The following FKBP14 variants were observed in gnomAD, a reference collection of about 807,000 sequenced individuals.
The protein encoded by FKBP14 is FKBP prolyl isomerase 14, also known as peptidyl-prolyl cis-trans isomerase FKBP14.
FKBP14 carries 20 observed loss-of-function variants against 21.6 expected under a neutral mutation model. The ratio of observed to expected loss-of-function variants is 0.92; its 90% CI spans 0.65 to 1.34. The LOEUF (loss-of-function observed/expected upper bound fraction) is 1.34, where lower values mean the gene tolerates loss of function less well. FKBP14 is among the 40% of genes most tolerant of loss of function. The probability of loss-of-function intolerance (pLI) is 0.00; values close to 1 mark genes in which losing one functional copy is unlikely to be tolerated. For synonymous variants in FKBP14, 79 were observed against 86.7 expected, an observed-to-expected ratio of 0.91 and a Z score of 0.49; for missense variants, 253 against 249.0, an observed-to-expected ratio of 1.02 and a Z score of -0.11.
downstream of FKBP14, among the ~76,000 whole-genome samples, chr7:30,007,316 T>C (rs928774586): frequency 7.9e-5 from 12 of 151,494 alleles, no homozygotes; most frequent in African/African-American, 2.9e-4. Flanking sequence ...TTCAAGCAAT[T>C]CTCCTGCCTC....
chr7:30,022,511 T>C (rs1055710039), intron 2 of FKBP14, 154 bp downstream of exon 2: 18 of 670,028 alleles, frequency 2.7e-5, no homozygotes, highest in Non-Finnish European at 3.5e-5. Flanking sequence ...GCCATTTCAA[T>C]TGATACTCAA....
chr7:30,024,378 G>A (rs182142709), intron 1 of FKBP14, among the ~76,000 whole-genome samples: 14 of 152,328 alleles, frequency 9.2e-5, no homozygotes, highest in South Asian at 6.2e-4. Context: ...GATGGCAAAC[G>A]TGCTTACAAA....
chr7:30,022,440 C>A, intron 2 of FKBP14: 1 of 421,842 alleles, frequency 2.4e-6, no homozygotes. Flanking sequence ...ATTAATAGAC[C>A]TCAATGTTCT....
chr7:30,022,200 A>G (rs770945321), intron 2 of FKBP14, among the ~76,000 whole-genome samples: 2 of 152,194 alleles, frequency 1.3e-5, no homozygotes, highest in African/African-American at 4.8e-5. Flanking sequence ...CACATGTTCA[A>G]CTCATCCAAA....
At chr7:30,024,932 G>T (rs962606729) in intron 1 of FKBP14, among the ~76,000 whole-genome samples, 1 of 152,218 alleles carries the variant, frequency 6.6e-6, no homozygotes, top group Non-Finnish European at 1.5e-5. Flanking sequence ...TTTTCAAAAT[G>T]CAAATCACAT....
chr7:30,016,795 T>C (rs970698487), intron 3 of FKBP14, among the ~76,000 whole-genome samples: 1 of 152,180 alleles, frequency 6.6e-6, no homozygotes, highest in African/African-American at 2.4e-5. Context: ...CAGTTTTAAT[T>C]ATATCACCTC....
chr7:30,026,227 G>A (rs1466518297), intron 1 of FKBP14, 85 bp downstream of exon 1: 1 of 1,332,550 alleles, frequency 7.5e-7, no homozygotes, highest in African/African-American at 1.5e-5. Context: ...GCAAAACCAG[G>A]TACAGGCCAC....
At chr7:30,021,254 T>C (rs186592604) in intron 2 of FKBP14, among the ~76,000 whole-genome samples, 18 of 152,320 alleles carry the variant, frequency 1.2e-4, no homozygotes, top group African/African-American at 4.3e-4. Flanking sequence ...TCTATGTATA[T>C]GTACCTTTTC....
At chr7:30,018,671 G>C (rs1214341763) in intron 3 of FKBP14, among the ~76,000 whole-genome samples, 1 of 152,212 alleles carries the variant, frequency 6.6e-6, no homozygotes, top group Non-Finnish European at 1.5e-5. Flanking sequence ...GATGGAAACT[G>C]TCTTGGCAAA....
chr7:30,010,131 TC>T (rs1250437490), downstream of FKBP14, among the ~76,000 whole-genome samples: 1 of 152,164 alleles, frequency 6.6e-6, no homozygotes, highest in Non-Finnish European at 1.5e-5. Flanking sequence ...GAATCAGAAA[TC>T]ATTGTTTCTC....
chr7:30,018,945 C>G (rs1016494699), intron 3 of FKBP14, 51 bp downstream of exon 3: 6 of 1,582,564 alleles, frequency 3.8e-6, no homozygotes, highest in Non-Finnish European at 5.1e-6. Flanking sequence ...AAACAAAACC[C>G]CAAACAACCA....
At position 30,019,015 on chromosome 7, in the gene FKBP14, C is replaced by T. The variant is rs767211628; in HGVS notation, c.458G>A (p.Trp153Ter). The change falls in exon 3 of 4, where the codon TGG becomes TAG. Residue 153 changes from tryptophan (W) to a stop codon, truncating the protein, a stop_gained. Coordinates refer to ENST00000222803, the MANE Select transcript of FKBP14 (RefSeq NM_017946.4). LOFTEE classifies it high-confidence loss of function. ...GGTCACCTCATCTTTAGAGAGTTTC[C>T]AGTCATCATTAAGATCCATTTCTTG... ...SFQEMDLNDDWKLSKDEVKAY... is the reference protein window; with the variant it reads ...SFQEMDLNDD 1.2e-6 allele frequency: 2 copies of T among 1,608,682 alleles called. No homozygotes were observed. The highest frequency in any genetic ancestry group is 1.1e-5 in the South Asian group (1 of 89,968).
chr7:30,015,967 T>C (rs1378154003), intron 3 of FKBP14, among the ~76,000 whole-genome samples: 1 of 152,096 alleles, frequency 6.6e-6, no homozygotes, highest in Non-Finnish European at 1.5e-5. Context: ...TGGAGTGCAG[T>C]GGCACCATCT....
At position 30,026,391 on chromosome 7, in the gene FKBP14, G is replaced by A. The variant is rs1369464099; in HGVS notation, c.118C>T (p.Arg40Cys). Reference sequence around the variant, plus strand: ...ATCAAATCCCCTCCTTTGGTCTTGCGATGGCAGATGAATGGCTTCTGGAGA... The same window carrying A: ...ATCAAATCCCCTCCTTTGGTCTTGCAATGGCAGATGAATGGCTTCTGGAGA... ...EVLQKPFICH[R>C]KTKGGDLMLV... The change falls in exon 1 of 4, where the codon CGC becomes TGC. Residue 40 changes from arginine to cysteine, a missense_variant. Transcript: ENST00000222803. 2 of 1,614,026 alleles carry A rather than the reference G, an allele frequency of 1.2e-6. No homozygotes were observed. Among genetic ancestry groups the A allele is most frequent in the African/African-American group, 1.3e-5 (1 of 74,914 alleles).
Position 30,019,261 on chromosome 7 carries a change from T to A in FKBP14, c.350-138A>T, listed in dbSNP as rs1027736336. ...AGATTGTCATATATGATGAAAATTA[T>A]GTATATTATATTTTACTCGAATAGA... On this transcript the variant is annotated intron_variant, in intron 2 of 3. Transcript: ENST00000222803. 29 of 767,158 alleles carry A rather than the reference T, an allele frequency of 3.8e-5. No homozygotes were observed. In the Admixed American group the frequency reaches 5.5e-4, roughly 14 times the overall value. 47.5% of individuals were successfully genotyped at this position (767,158 alleles called of 1,614,324 possible). A position where few individuals can be genotyped will look rare whatever the true frequency, so the allele number is the denominator to read the frequency against.
intron 1 of FKBP14, among the ~76,000 whole-genome samples, chr7:30,024,425 G>T (rs1365376234): frequency 6.6e-6 from 1 of 152,160 alleles, no homozygotes; most frequent in African/African-American, 2.4e-5. Flanking sequence ...CTTCAGAGCG[G>T]AGTCTCGCTC....
intron 3 of FKBP14, among the ~76,000 whole-genome samples, chr7:30,015,689 A>G (rs1302976964): frequency 1.5e-5 from 2 of 133,550 alleles, no homozygotes; most frequent in African/African-American, 5.7e-5. Flanking sequence ...GCAGTGGCGC[A>G]ATCTCGGCTC....
chr7:30,015,216 TC>T (rs1225939521), intron 3 of FKBP14, among the ~76,000 whole-genome samples: 1 of 151,682 alleles, frequency 6.6e-6, no homozygotes, highest in Admixed American at 6.6e-5. Context: ...GAGTTGGAGA[TC>T]AGCCTGGCCG....
intron 3 of FKBP14, among the ~76,000 whole-genome samples, chr7:30,016,182 G>A (rs1789879108): frequency 6.6e-6 from 1 of 151,352 alleles, no homozygotes; most frequent in South Asian, 2.1e-4. Context: ...GCTGGGATTA[G>A]AAGCATGAGC....
Sources: allele counts gnomAD v4.1 joint callset (sites outside exome capture counted in the v4.1 genomes callset), GRCh38; gene constraint gnomAD v4.1.1; transcripts MANE v1.5; gene names NCBI Gene and HGNC (gene_info 2026-07-23, HGNC 2026-07-21).